The following NDRG2 variants were observed in gnomAD, a reference collection of about 807,000 sequenced individuals.
The protein encoded by NDRG2 is NDRG family member 2.
Under a neutral mutation model 58.2 loss-of-function variants are expected in NDRG2, and 34 were observed. The observed-to-expected ratio is 0.58, with a 90% confidence interval of 0.44 to 0.78. NDRG2 has a LOEUF of 0.78. Ranked by LOEUF, NDRG2 falls within the 30% of genes least tolerant of loss-of-function variation. The pLI is 0.00. For synonymous variants in NDRG2, 187 were observed against 175.9 expected, an observed-to-expected ratio of 1.06 and a Z score of -0.50; for missense variants, 434 against 471.2, an observed-to-expected ratio of 0.92 and a Z score of 0.73.
chr14:21,043,292 C>T, intron 1 of NDRG2: 1 of 1,614,226 alleles, frequency 6.2e-7, no homozygotes. Flanking sequence ...GCCACCAGAG[C>T]CACGGGGCCG....
chr14:21,018,114 T>C, intron 14 of NDRG2, 76 bp from the exon 15 acceptor site: 2 of 1,599,258 alleles, frequency 1.3e-6, no homozygotes, highest in South Asian at 2.2e-5. Flanking sequence ...GCTGCGGCAC[T>C]GTGGGGCCGG....
intron 1 of NDRG2, among the ~76,000 whole-genome samples, chr14:21,065,617 G>A (rs1314597306): frequency 6.6e-6 from 1 of 152,218 alleles, no homozygotes; most frequent in Non-Finnish European, 1.5e-5. Context: ...GACAATGGGT[G>A]AGAGACCACT....
intron 1 of NDRG2, among the ~76,000 whole-genome samples, chr14:21,062,708 A>AGTGTGTGTGTGTGT (rs71416997): frequency 0.065 from 8,471 of 130,874 alleles, 413 homozygotes; most frequent in Admixed American, 0.12. Context: ...GGCTGGGCAC[A>AGTGTGTGTGTGTGT]GTGTGTGTGT....
chr14:21,031,116 A>G, intron 1 of NDRG2: 1 of 1,614,170 alleles, frequency 6.2e-7, no homozygotes, highest in Non-Finnish European at 8.5e-7. Flanking sequence ...GTCCTGGAGA[A>G]CATTTATGGA....
chr14:21,021,804 C>T lies in NDRG2; in HGVS notation c.407+13G>A, dbSNP rs757360871. The T allele has an allele frequency of 8.1e-6, 13 of 1,610,004 alleles. No homozygotes were observed. The highest frequency in any genetic ancestry group is 6.7e-5 in the South Asian group (6 of 90,192). ...AGAGAACTCTGGTTTGGAGGGGTTC[C>T]CAGGCCTCTCACTTTAGGTACTGCA... On this transcript the variant is annotated intron_variant, in intron 6 of 15. Coordinates refer to ENST00000556147, the MANE Select transcript of NDRG2 (RefSeq NM_001320329.2).
intron 1 of NDRG2, among the ~76,000 whole-genome samples, chr14:21,061,734 G>A (rs1940712438): frequency 6.6e-6 from 1 of 152,154 alleles, no homozygotes. Flanking sequence ...AACACATAGC[G>A]TTAACATGTT....
chr14:21,052,649 C>T (rs1231623179), intron 1 of NDRG2, among the ~76,000 whole-genome samples: 13 of 152,110 alleles, frequency 8.5e-5, no homozygotes, highest in East Asian at 3.9e-4. Flanking sequence ...GTAGACTGGA[C>T]GCAAGGTGAG....
At position 21,016,915 on chromosome 14, in the gene NDRG2, C is replaced by T. The variant is rs1325757780; in HGVS notation, c.*681G>A. 2 of 456,666 alleles carry T rather than the reference C, an allele frequency of 4.4e-6. No individual in the cohort carries two copies. Among genetic ancestry groups the T allele is most frequent in the African/African-American group, 2.0e-5 (1 of 50,176 alleles). 28.3% of individuals were successfully genotyped at this position (456,666 alleles called of 1,614,324 possible). The stretch of plus-strand genomic sequence containing the variant: ...CCCAAGCAGCCCAGCCCAAGCTTAG[C>T]TCCCTCCCCAGTCCCACTCTAGATG... On this transcript the variant is annotated 3_prime_UTR_variant, in exon 16 of 16. Transcript: ENST00000556147.
Position 21,024,021 on chromosome 14 carries a change from G to T in NDRG2, c.-7+9C>A. ...AGGAGCCTGCAGCCTGCGGGGTGGG[G>T]TCACTTACTGGGCTCCTATTGGCTG... On this transcript the variant is annotated intron_variant, in intron 1 of 15. Transcript: ENST00000556147. The T allele has an allele frequency of 2.0e-6, 2 of 985,740 alleles. No individual in the cohort carries two copies. Among genetic ancestry groups the T allele is most frequent in the Non-Finnish European group, 2.4e-6 (2 of 830,130 alleles). 61.1% of individuals were successfully genotyped at this position (985,740 alleles called of 1,614,324 possible). A position where few individuals can be genotyped will look rare whatever the true frequency, so the allele number is the denominator to read the frequency against.
upstream of NDRG2, chr14:21,030,501 A>G: frequency 2.8e-6 from 4 of 1,428,938 alleles, no homozygotes; most frequent in Non-Finnish European, 3.8e-6. Context: ...ACTCATCCTC[A>G]TTACTCCACA....
intron 1 of NDRG2, among the ~76,000 whole-genome samples, chr14:21,039,140 T>C (rs1210756273): frequency 1.3e-5 from 2 of 152,118 alleles, no homozygotes; most frequent in African/African-American, 4.8e-5. Context: ...TAGGCACCAA[T>C]CCAGGCCCGG....
Position 21,036,339 on chromosome 14 carries a change from G to C in NDRG2, c.25-13018C>G, listed in dbSNP as rs180962800. The C allele has an allele frequency of 3.6e-4, 161 of 442,520 alleles. 1 individual carries two copies. In the East Asian group the frequency reaches 7.1e-3, roughly 20 times the overall value. 27.4% of individuals were successfully genotyped at this position (442,520 alleles called of 1,614,324 possible). ...AATAGCTTGTTTCTCATAGGGTAGG[G>C]GTGCCCAGTCTTTTGGCTTCCCTGG... On this transcript the variant is annotated intron_variant, in intron 1 of 14. Coordinates refer to the NDRG2 transcript ENST00000403829.
At chr14:21,067,006 T>G (rs373156087) in intron 1 of NDRG2, among the ~76,000 whole-genome samples, 33 of 152,292 alleles carry the variant, frequency 2.2e-4, no homozygotes, top group African/African-American at 7.5e-4. Context: ...GGTCCTTCAT[T>G]AATTCCCCCT....
At chr14:21,036,149 C>A in intron 1 of NDRG2, 1 of 455,662 alleles carries the variant, frequency 2.2e-6, no homozygotes, top group Non-Finnish European at 4.4e-6. Flanking sequence ...CAATCTTAAA[C>A]TTTTCCCAAG....
intron 12 of NDRG2, 29 bp from the exon 13 acceptor site, chr14:21,018,533 A>C (rs1448902382): frequency 3.1e-6 from 5 of 1,612,248 alleles, no homozygotes; most frequent in Non-Finnish European, 4.2e-6. Flanking sequence ...TGAATGAATG[A>C]GGTCACGCCC....
upstream of NDRG2, chr14:21,025,734 G>A: frequency 1.3e-6 from 1 of 743,846 alleles, no homozygotes; most frequent in Non-Finnish European, 1.6e-6. This position sits in a 1 kb window ranked among gnomAD's most constrained non-coding sequence, Gnocchi z 5.1. Flanking sequence ...GGAGAAGTTG[G>A]ACAACAAGGC....
intron 1 of NDRG2, among the ~76,000 whole-genome samples, chr14:21,064,844 T>C (rs1886176227): frequency 6.6e-6 from 1 of 152,110 alleles, no homozygotes. Flanking sequence ...TAAGCCTACA[T>C]CTGAGCCAGA....
chr14:21,044,925 C>A (rs1367684989), intron 1 of NDRG2, among the ~76,000 whole-genome samples: 1 of 152,186 alleles, frequency 6.6e-6, no homozygotes, highest in Non-Finnish European at 1.5e-5. Context: ...GGTGTAAATC[C>A]TGACTCCCGT....
chr14:21,036,164 T>A (rs551207470), intron 1 of NDRG2: 2 of 456,150 alleles, frequency 4.4e-6, no homozygotes, highest in African/African-American at 4.0e-5. Flanking sequence ...CCCAAGCCCA[T>A]CTCTTCCATT....
Sources: gnomAD v4.1 joint callset for allele counts (sites outside exome capture counted in the v4.1 genomes callset) on GRCh38, gnomAD v4.1.1 for gene constraint, Gnocchi (gnomAD v3.1) non-coding constraint, MANE v1.5 for transcripts, NCBI Gene and HGNC (gene_info 2026-07-23, HGNC 2026-07-21) for gene names.